The following GPC6 variants were observed in gnomAD, a reference collection of about 807,000 sequenced individuals.
GPC6 encodes glypican-6.
In GPC6, 14 loss-of-function variants were observed where a neutral mutation model predicts 55.2. That is an observed-to-expected ratio of 0.25 (90% confidence interval 0.17 to 0.40). The LOEUF is 0.40. Among genes scored for constraint, GPC6 ranks in the 10% least tolerant of loss-of-function variants. GPC6 has a pLI of 1.00. For synonymous variants in GPC6, 278 were observed against 259.6 expected (o/e 1.07, Z -0.68); for missense variants, 641 against 708.5 (o/e 0.90, Z 1.08).
intron 3 of GPC6, among the ~76,000 whole-genome samples, chr13:93,926,479 A>T (rs143858742): frequency 7.9e-5 from 12 of 152,300 alleles, no homozygotes; most frequent in African/African-American, 2.6e-4. Context: ...AGTGAATTAC[A>T]TATTAATAAT....
intron 2 of GPC6, among the ~76,000 whole-genome samples, chr13:93,784,562 A>G (rs1447070811): frequency 6.6e-6 from 1 of 152,210 alleles, no homozygotes; most frequent in Non-Finnish European, 1.5e-5. Context: ...CAGATGCAGA[A>G]GTACATTTCT....
chr13:93,766,279 C>T (rs759793313), intron 2 of GPC6, among the ~76,000 whole-genome samples: 20 of 152,088 alleles, frequency 1.3e-4, no homozygotes, highest in South Asian at 2.1e-4. Context: ...CTTGGAAATA[C>T]GACCAAGTCA....
chr13:93,411,728 C>T (rs1164127042), intron 1 of GPC6, among the ~76,000 whole-genome samples: 4 of 152,086 alleles, frequency 2.6e-5, no homozygotes, highest in African/African-American at 9.7e-5. Context: ...GGCCCAGGTG[C>T]AGTCGCTCAC....
intron 1 of GPC6, among the ~76,000 whole-genome samples, chr13:93,385,843 A>G (rs192892593): frequency 3.3e-5 from 5 of 152,168 alleles, no homozygotes; most frequent in Admixed American, 2.0e-4. Context: ...TGGGTTCAAC[A>G]TGGCTGAATA....
At chr13:93,999,267 G>A (rs1194474724) in intron 3 of GPC6, among the ~76,000 whole-genome samples, 1 of 152,158 alleles carries the variant, frequency 6.6e-6, no homozygotes, top group Non-Finnish European at 1.5e-5. Flanking sequence ...ATTTATGAGT[G>A]AGGACATGCA....
chr13:93,895,222 A>ATGTGTGTGTGTGTG lies in GPC6; in HGVS notation c.711+64690_711+64691insGTGTGTGTGTGTGT, dbSNP rs369480808. ...TATATATGTGTGTGTGTGTGTATGT[A>ATGTGTGTGTGTGTG]TGTGTGTGTGTGTATATATATATAT... On this transcript the variant is annotated intron_variant, in intron 3 of 8. Coordinates refer to ENST00000377047, the MANE Select transcript of GPC6 (RefSeq NM_005708.5). 6.0e-3 allele frequency among the ~76,000 whole-genome samples: 322 copies of ATGTGTGTGTGTGTG among 53,582 alleles called. 27 individuals carry two copies. Among genetic ancestry groups the ATGTGTGTGTGTGTG allele is most frequent in the African/African-American group, 0.025 (311 of 12,692 alleles). The allele number at this position is 53,582 out of a possible 152,430, so 35.2% of individuals were successfully genotyped here. A position where few individuals can be genotyped will look rare whatever the true frequency, so the allele number is the denominator to read the frequency against.
chr13:93,598,006 C>T (rs1397578268), intron 2 of GPC6, among the ~76,000 whole-genome samples: 1 of 151,974 alleles, frequency 6.6e-6, no homozygotes, highest in Non-Finnish European at 1.5e-5. Context: ...TATCTTGGTG[C>T]GGTGTTGCAC....
intron 3 of GPC6, among the ~76,000 whole-genome samples, chr13:93,862,089 A>T (rs1052296811): frequency 2.0e-5 from 3 of 151,616 alleles, no homozygotes; most frequent in African/African-American, 7.3e-5. Flanking sequence ...TGATTATAGA[A>T]GTTTTTGTGC....
chr13:93,987,905 G>A (rs1362874589), intron 3 of GPC6, among the ~76,000 whole-genome samples: 1 of 152,182 alleles, frequency 6.6e-6, no homozygotes, highest in Non-Finnish European at 1.5e-5. Context: ...ACCTCAGGGT[G>A]GAGGTTTCAT....
At chr13:93,470,792 C>T (rs1161882227) in intron 1 of GPC6, among the ~76,000 whole-genome samples, 3 of 151,630 alleles carry the variant, frequency 2.0e-5, no homozygotes, top group Non-Finnish European at 4.4e-5. Context: ...TTCAAAATTT[C>T]CTTTTTTTTC....
At chr13:93,914,558 C>G (rs1877191705) in intron 3 of GPC6, among the ~76,000 whole-genome samples, 2 of 152,184 alleles carry the variant, frequency 1.3e-5, no homozygotes, top group African/African-American at 4.8e-5. Context: ...GTTAAAGACC[C>G]AAATTTATTT....
At chr13:93,462,610 A>C (rs1878734802) in intron 1 of GPC6, among the ~76,000 whole-genome samples, 1 of 151,562 alleles carries the variant, frequency 6.6e-6, no homozygotes, top group South Asian at 2.1e-4. Flanking sequence ...GGAAGAAAAA[A>C]AAAATCCACT....
At chr13:93,219,090 A>T in the GPC6 span, among the ~76,000 whole-genome samples, 2,443 of 134,362 alleles carry the variant, frequency 0.018, 31 homozygotes, top group Middle Eastern at 0.035. Flanking sequence ...TTTCTTTCCT[A>T]TTTTTTTTTT....
At chr13:94,127,196 A>T (rs904873862) in intron 4 of GPC6, among the ~76,000 whole-genome samples, 1 of 152,074 alleles carries the variant, frequency 6.6e-6, no homozygotes, top group Non-Finnish European at 1.5e-5. Context: ...GAGAGTTTGC[A>T]TCCATGTACA....
Position 93,668,913 on chromosome 13 carries a change from A to G in GPC6, c.319+123492A>G, listed in dbSNP as rs145487993. On this transcript the variant is annotated intron_variant, in intron 2 of 8. Transcript: ENST00000377047. ...AGATACATGTAATGGATTTCAACCT[A>G]AGATCAAGGTGACTTATACGAACAA... 1.2e-3 allele frequency among the ~76,000 whole-genome samples: 177 copies of G among 152,328 alleles called. 1 individual carries two copies. The highest frequency in any genetic ancestry group is 4.1e-3 in the African/African-American group (171 of 41,580).
At chr13:93,875,399 C>T (rs923554356) in intron 3 of GPC6, among the ~76,000 whole-genome samples, 8 of 152,084 alleles carry the variant, frequency 5.3e-5, no homozygotes, top group Admixed American at 5.2e-4. Context: ...TCCTTAATAA[C>T]TTTTTTAAAA....
chr13:93,780,631 A>ACAC (rs199789736), intron 2 of GPC6, among the ~76,000 whole-genome samples: 5 of 151,108 alleles, frequency 3.3e-5, no homozygotes, highest in Non-Finnish European at 5.9e-5. Flanking sequence ...ACACACACAC[A>ACAC]AAATAAAATT....
chr13:93,869,834 C>T (rs953928327), intron 3 of GPC6, among the ~76,000 whole-genome samples: 25 of 151,700 alleles, frequency 1.6e-4, no homozygotes, highest in African/African-American at 5.1e-4. Context: ...TTGAATACAA[C>T]GGAGGAATGA....
chr13:93,224,086 G>C (rs890863107), upstream of GPC6, among the ~76,000 whole-genome samples: 26 of 151,762 alleles, frequency 1.7e-4, no homozygotes, highest in African/African-American at 5.8e-4. Flanking sequence ...TTTTAGTAGA[G>C]ACGGGGTTTC....
Sources: allele counts gnomAD v4.1 joint callset (sites outside exome capture counted in the v4.1 genomes callset), GRCh38; gene constraint gnomAD v4.1.1; transcripts MANE v1.5; gene names NCBI Gene and HGNC (gene_info 2026-07-23, HGNC 2026-07-21).